The following P4HA1 variants were observed in gnomAD, a reference collection of about 807,000 sequenced individuals.
P4HA1 encodes prolyl 4-hydroxylase subunit alpha 1, also known as prolyl 4-hydroxylase subunit alpha-1.
A neutral mutation model predicts 72.8 loss-of-function variants in P4HA1; 24 were observed. The ratio of observed to expected loss-of-function variants is 0.33; its 90% CI spans 0.24 to 0.46. The LOEUF (loss-of-function observed/expected upper bound fraction) is 0.46, where lower values mean the gene tolerates loss of function less well. P4HA1 is among the 20% of genes least tolerant of loss of function. The pLI is 1.00. For missense variants in P4HA1, 446 were observed against 640.6 expected, an observed-to-expected ratio of 0.70 and a Z score of 3.28; for synonymous variants, 201 against 218.8, an observed-to-expected ratio of 0.92 and a Z score of 0.72.
At position 73,045,060 on chromosome 10, in the gene P4HA1, C is replaced by A. The variant is rs887331150; in HGVS notation, c.1078-9G>T. The A allele has an allele frequency of 6.2e-7, 1 of 1,611,780 alleles. No homozygotes were observed. On this transcript the variant is annotated splice_polypyrimidine_tract_variant and intron_variant, in intron 8 of 14. Transcript: ENST00000394890. The stretch of plus-strand genomic sequence containing the variant: ...ATGGTGGCTCGCCTCAGCTGTGAAG[C>A]CAACCATCAAAATAGTTGCATTACA...
intron 5 of P4HA1, among the ~76,000 whole-genome samples, chr10:73,059,605 T>C (rs1181672479): frequency 6.6e-6 from 1 of 150,896 alleles, no homozygotes; most frequent in Admixed American, 6.6e-5. Context: ...TAGCCGGGCA[T>C]GGTGGCGGGC....
At chr10:73,081,341 G>C (rs1325637633) in intron 1 of P4HA1, among the ~76,000 whole-genome samples, 1 of 152,098 alleles carries the variant, frequency 6.6e-6, no homozygotes, top group Non-Finnish European at 1.5e-5. Context: ...GTATGAATAA[G>C]TTATTGATAA....
intron 5 of P4HA1, among the ~76,000 whole-genome samples, chr10:73,067,498 A>C (rs1841453736): frequency 6.6e-6 from 1 of 152,128 alleles, no homozygotes; most frequent in Non-Finnish European, 1.5e-5. Flanking sequence ...TTACCTCTCT[A>C]GTCTCAGCTC....
At chr10:73,016,000 TCTCTCCTTGACCCAA>T (rs1434705910) in intron 11 of P4HA1, among the ~76,000 whole-genome samples, 1 of 152,142 alleles carries the variant, frequency 6.6e-6, no homozygotes, top group Non-Finnish European at 1.5e-5. Flanking sequence ...TGACAAAGAA[TCTCTCCTTGACCCAA>T]CTACTCAGGC....
At chr10:73,035,567 T>A (rs2133070039) in intron 9 of P4HA1, among the ~76,000 whole-genome samples, 1 of 152,270 alleles carries the variant, frequency 6.6e-6, no homozygotes, top group Admixed American at 6.5e-5. Flanking sequence ...GGAATGGCCA[T>A]GAAAGTCTAC....
chr10:73,026,796 C>T (rs956365869), intron 10 of P4HA1, among the ~76,000 whole-genome samples: 2 of 152,166 alleles, frequency 1.3e-5, no homozygotes, highest in Non-Finnish European at 2.9e-5. Context: ...AGGATATGAA[C>T]AGACACTTCT....
Position 73,096,196 on chromosome 10 carries a change from G to A in P4HA1, c.-33+570C>T, listed in dbSNP as rs530292648. 3.9e-5 allele frequency among the ~76,000 whole-genome samples: 6 copies of A among 152,356 alleles called. No homozygotes were observed. The East Asian group carries it at 9.6e-4, about 25-fold the overall frequency. On this transcript the variant is annotated intron_variant, in intron 1 of 14. Transcript: ENST00000394890. ...GGCAGCTAATGCTGCACCGCTGCGC[G>A]CAACAGATGAGTTCAGCCGGAACTT...
chr10:73,045,722 A>T (rs1840840206), intron 8 of P4HA1, among the ~76,000 whole-genome samples: 1 of 152,096 alleles, frequency 6.6e-6, no homozygotes, highest in South Asian at 2.1e-4. Context: ...TTTTATTGCC[A>T]TTAAATTTAT....
intron 9 of P4HA1, chr10:73,043,942 C>T (rs780881271): frequency 6.2e-7 from 1 of 1,612,758 alleles, no homozygotes; most frequent in South Asian, 1.1e-5. Context: ...GGGTCATGTA[C>T]TGTAGCTCGG....
At chr10:73,054,792 G>C (rs1438498167) in intron 5 of P4HA1, among the ~76,000 whole-genome samples, 1 of 152,114 alleles carries the variant, frequency 6.6e-6, no homozygotes, top group African/African-American at 2.4e-5. Context: ...AGACATTCTG[G>C]TGAGTATGAA....
At position 73,074,791 on chromosome 10, in the gene P4HA1, CA is replaced by C; in HGVS notation, c.76+16del. 7.3e-7 allele frequency: 1 copy of C among 1,371,022 alleles called. No individual in the cohort carries two copies. The highest frequency in any genetic ancestry group is 1.8e-4 in the Middle Eastern group (1 of 5,446). The allele number at this position is 1,371,022 out of a possible 1,614,324, so 84.9% of individuals were successfully genotyped here. On this transcript the variant is annotated intron_variant, in intron 2 of 14. Transcript: ENST00000394890. ...AAAATGCAAAACCAACAAAAAACAA[CA>C]AGTAGTAAGACTTACCAATTGAAGT... is the stretch of plus-strand genomic sequence containing the variant.
chr10:73,014,459 G>A (rs935316148), intron 11 of P4HA1, among the ~76,000 whole-genome samples, 170 bp from the exon 12 acceptor site: 5 of 152,174 alleles, frequency 3.3e-5, no homozygotes, highest in Non-Finnish European at 7.3e-5. Flanking sequence ...CTTTTTGTAA[G>A]ATGGAGTCTT....
At chr10:73,071,192 CAAAA>C (rs36107511) in intron 4 of P4HA1, 3 of 102,990 alleles carry the variant, frequency 2.9e-5, no homozygotes, top group Non-Finnish European at 6.8e-5. Context: ...ACCCTGTCTC[CAAAA>C]AAAAAAAAAA....
At chr10:73,023,679 C>T (rs1430616188) in intron 10 of P4HA1, among the ~76,000 whole-genome samples, 1 of 151,840 alleles carries the variant, frequency 6.6e-6, no homozygotes, top group African/African-American at 2.4e-5. Flanking sequence ...GCTAAATGTC[C>T]CAATGAAAAG....
intron 1 of P4HA1, among the ~76,000 whole-genome samples, chr10:73,095,284 A>G (rs1842139638): frequency 6.6e-6 from 1 of 151,506 alleles, no homozygotes; most frequent in Admixed American, 6.6e-5. Context: ...ATTTCACATG[A>G]AGACAAAATA....
At chr10:73,047,702 A>G (rs1840906105) in intron 7 of P4HA1, among the ~76,000 whole-genome samples, 1 of 152,138 alleles carries the variant, frequency 6.6e-6, no homozygotes, top group African/African-American at 2.4e-5. Context: ...ATTCCCTTCA[A>G]TCATCTATGT....
chr10:73,057,280 G>A (rs1406669452), intron 5 of P4HA1, among the ~76,000 whole-genome samples: 1 of 151,804 alleles, frequency 6.6e-6, no homozygotes, highest in Non-Finnish European at 1.5e-5. Flanking sequence ...CATGAGGTCA[G>A]GAGATCGCGA....
intron 7 of P4HA1, among the ~76,000 whole-genome samples, chr10:73,048,993 G>A (rs1185112274): frequency 6.6e-6 from 1 of 152,102 alleles, no homozygotes; most frequent in East Asian, 1.9e-4. Flanking sequence ...AATTAGCTGG[G>A]CGTGGTGGCA....
At chr10:73,067,494 C>G (rs763078701) in intron 5 of P4HA1, among the ~76,000 whole-genome samples, 29 of 152,208 alleles carry the variant, frequency 1.9e-4, no homozygotes, top group Non-Finnish European at 3.8e-4. Flanking sequence ...CTGCTTACCT[C>G]TCTAGTCTCA....
Sources: allele counts gnomAD v4.1 joint callset (sites outside exome capture counted in the v4.1 genomes callset), GRCh38; gene constraint gnomAD v4.1.1; transcripts MANE v1.5; gene names NCBI Gene and HGNC (gene_info 2026-07-23, HGNC 2026-07-21).